Variants in ARHGAP12 observed in about 807,000 individuals in gnomAD.
ARHGAP12 encodes the protein rho GTPase-activating protein 12.
ARHGAP12 carries 64 observed loss-of-function variants against 108.6 expected under a neutral mutation model. The observed-to-expected ratio is 0.59, with a 90% confidence interval of 0.48 to 0.73. The LOEUF (loss-of-function observed/expected upper bound fraction) is 0.73, where lower values mean the gene tolerates loss of function less well. Among genes scored for constraint, ARHGAP12 ranks in the 30% least tolerant of loss-of-function variants. The pLI is 0.00. For missense variants in ARHGAP12, 940 were observed against 1,005.9 expected, an observed-to-expected ratio of 0.93 and a Z score of 0.89; for synonymous variants, 312 against 337.2, an observed-to-expected ratio of 0.93 and a Z score of 0.82.
intron 1 of ARHGAP12, among the ~76,000 whole-genome samples, chr10:31,912,083 C>T (rs1162775407): frequency 2.0e-5 from 3 of 152,154 alleles, no homozygotes; most frequent in Non-Finnish European, 2.9e-5. Flanking sequence ...GACGCTCAGT[C>T]GTTACTTTCA....
intron 3 of ARHGAP12, among the ~76,000 whole-genome samples, chr10:31,878,581 C>T (rs1264654392): frequency 2.0e-5 from 3 of 152,206 alleles, no homozygotes; most frequent in African/African-American, 7.2e-5. Context: ...AAAAATGCAG[C>T]AGTTCCCTAT....
intron 5 of ARHGAP12, 116 bp from the exon 6 acceptor site, chr10:31,852,713 A>G (rs1181963412): frequency 3.4e-6 from 2 of 595,302 alleles, no homozygotes; most frequent in South Asian, 2.4e-5. Context: ...GATCAAGAAC[A>G]TTGCAACAAA....
At chr10:31,878,161 T>C (rs757050066) in intron 3 of ARHGAP12, among the ~76,000 whole-genome samples, 2 of 152,014 alleles carry the variant, frequency 1.3e-5, no homozygotes, top group African/African-American at 2.4e-5. Context: ...GAAACACAGA[T>C]ACAAAAGGTA....
chr10:31,925,209 T>C (rs12241781), intron 1 of ARHGAP12, among the ~76,000 whole-genome samples: 7,833 of 152,244 alleles, frequency 0.051, 669 homozygotes, highest in African/African-American at 0.18. Flanking sequence ...AAAACTATTA[T>C]CATCATCCTA....
intron 3 of ARHGAP12, among the ~76,000 whole-genome samples, chr10:31,866,498 G>T (rs185797927): frequency 5.9e-5 from 9 of 151,924 alleles, no homozygotes; most frequent in Admixed American, 3.3e-4. Context: ...GCCCAGCAAG[G>T]GGAAATCCAG....
intron 10 of ARHGAP12, among the ~76,000 whole-genome samples, chr10:31,829,251 A>G (rs1310106631): frequency 6.6e-6 from 1 of 152,232 alleles, no homozygotes; most frequent in Non-Finnish European, 1.5e-5. Context: ...AGTTATACAT[A>G]TAACATATCA....
intron 11 of ARHGAP12, among the ~76,000 whole-genome samples, chr10:31,821,051 T>C (rs1835398827): frequency 6.6e-6 from 1 of 152,184 alleles, no homozygotes; most frequent in Non-Finnish European, 1.5e-5. Context: ...TTCTACCTAA[T>C]AAACATTCTC....
At chr10:31,918,315 T>TCACACACACA (rs58245483) in intron 1 of ARHGAP12, among the ~76,000 whole-genome samples, 86 of 140,058 alleles carry the variant, frequency 6.1e-4, no homozygotes, top group Middle Eastern at 3.6e-3. Flanking sequence ...ATTAGGGAAA[T>TCACACACACA]CACACACACA....
At chr10:31,827,511 G>GC (rs1835660006) in intron 10 of ARHGAP12, among the ~76,000 whole-genome samples, 1 of 152,160 alleles carries the variant, frequency 6.6e-6, no homozygotes, top group Admixed American at 6.5e-5. Context: ...AAACCTCTAG[G>GC]CCGGGTGCGG....
chr10:31,831,978 T>C (rs1213900397), intron 9 of ARHGAP12, among the ~76,000 whole-genome samples, 178 bp from the exon 10 acceptor site: 1 of 152,192 alleles, frequency 6.6e-6, no homozygotes, highest in African/African-American at 2.4e-5. Flanking sequence ...CTAATACTTT[T>C]GTAGTTTTTT....
chr10:31,814,019 G>A (rs1835110829), intron 14 of ARHGAP12, among the ~76,000 whole-genome samples: 1 of 152,168 alleles, frequency 6.6e-6, no homozygotes, highest in Non-Finnish European at 1.5e-5. Flanking sequence ...TTCTCTGAAA[G>A]TAGCACAATA....
chr10:31,826,388 G>GT lies in ARHGAP12; in HGVS notation c.1449-4dup, dbSNP rs761264599. ...CCCAAGAAGACAACCAGTTCTTTCT[G>GT]TAATTATAAAGATGACCGATTAAAG... is the stretch of plus-strand genomic sequence containing the variant. On this transcript the variant is annotated splice_polypyrimidine_tract_variant and splice_region_variant and intron_variant, in intron 10 of 19. Transcript: ENST00000344936. 1.4e-5 allele frequency: 23 copies of GT among 1,606,974 alleles called. No homozygotes were observed. Among genetic ancestry groups the GT allele is most frequent in the Non-Finnish European group, 1.9e-5 (22 of 1,177,122 alleles).
intron 11 of ARHGAP12, among the ~76,000 whole-genome samples, chr10:31,822,290 G>A (rs147782125): frequency 1.7e-3 from 255 of 152,274 alleles, no homozygotes; most frequent in African/African-American, 5.6e-3. Context: ...ACAGCAGGCC[G>A]ACGACGGACA....
intron 3 of ARHGAP12, among the ~76,000 whole-genome samples, chr10:31,886,400 G>C (rs1358174408): frequency 6.6e-6 from 1 of 151,954 alleles, no homozygotes; most frequent in Non-Finnish European, 1.5e-5. Flanking sequence ...CACAGAGAAA[G>C]CAACTTCTGA....
chr10:31,909,780 C>A (rs1461876834), intron 2 of ARHGAP12, among the ~76,000 whole-genome samples: 1 of 152,138 alleles, frequency 6.6e-6, no homozygotes, highest in Non-Finnish European at 1.5e-5. Context: ...CCTGTAGTCC[C>A]AGCTACTTGG....
intron 3 of ARHGAP12, among the ~76,000 whole-genome samples, chr10:31,888,779 G>A (rs912579275): frequency 6.6e-6 from 1 of 152,030 alleles, no homozygotes; most frequent in African/African-American, 2.4e-5. Flanking sequence ...GGAATCATGA[G>A]GTAAAAGCAC....
chr10:31,893,515 C>T (rs1838546197), intron 3 of ARHGAP12, among the ~76,000 whole-genome samples: 1 of 152,204 alleles, frequency 6.6e-6, no homozygotes, highest in South Asian at 2.1e-4. Flanking sequence ...ATAAATTCCT[C>T]GACTCATACA....
chr10:31,822,925 C>T (rs536190498), intron 11 of ARHGAP12, among the ~76,000 whole-genome samples: 5 of 151,994 alleles, frequency 3.3e-5, no homozygotes, highest in African/African-American at 1.2e-4. Context: ...AAAGGACAGC[C>T]CCACCGACAA....
intron 1 of ARHGAP12, among the ~76,000 whole-genome samples, chr10:31,918,458 T>A (rs909607368): frequency 6.6e-6 from 1 of 151,866 alleles, no homozygotes; most frequent in African/African-American, 2.4e-5. Context: ...ATCCCAGTAA[T>A]TTGGGAGGCC....
Sources: allele counts gnomAD v4.1 joint callset (sites outside exome capture counted in the v4.1 genomes callset), GRCh38; gene constraint gnomAD v4.1.1; transcripts MANE v1.5; gene names NCBI Gene and HGNC (gene_info 2026-07-23, HGNC 2026-07-21).